CCDC112: variants seen among roughly 807,000 people sequenced by gnomAD.
CCDC112 encodes coiled-coil domain containing 112.
In CCDC112, 40 loss-of-function variants were observed where a neutral mutation model predicts 66.3. The observed-to-expected ratio is 0.60, with a 90% confidence interval of 0.47 to 0.79. CCDC112 has a LOEUF of 0.79. CCDC112 is among the 30% of genes least tolerant of loss of function. The pLI, the probability that CCDC112 is intolerant of heterozygous loss-of-function variation, is 0.00. For missense variants in CCDC112, 659 were observed against 603.8 expected (o/e 1.09, Z -0.96); for synonymous variants, 214 against 197.2 (o/e 1.09, Z -0.71).
At chr5:115,282,629 A>G (rs546816120) in intron 2 of CCDC112, among the ~76,000 whole-genome samples, 7 of 152,250 alleles carry the variant, frequency 4.6e-5, no homozygotes, top group Non-Finnish European at 1.0e-4. Context: ...CATTTATACA[A>G]AAAAGGAAAA....
chr5:115,286,127 C>A (rs1468710042), intron 1 of CCDC112, among the ~76,000 whole-genome samples: 1 of 152,122 alleles, frequency 6.6e-6, no homozygotes, highest in African/African-American at 2.4e-5. Flanking sequence ...AGTTTTGTAA[C>A]CATCATGACT....
chr5:115,269,830 G>A, intron 7 of CCDC112, 32 bp from the exon 8 acceptor site: 1 of 1,325,984 alleles, frequency 7.5e-7, no homozygotes, highest in Non-Finnish European at 1.0e-6. Flanking sequence ...CATTAAGAAA[G>A]CATGTGAACT....
chr5:115,280,642 TC>T (rs1283113307), intron 2 of CCDC112, among the ~76,000 whole-genome samples: 1 of 151,774 alleles, frequency 6.6e-6, no homozygotes, highest in Non-Finnish European at 1.5e-5. Context: ...AGCCTTGACC[TC>T]CCTGGCTCAA....
chr5:115,286,057 C>A (rs1043793813), intron 1 of CCDC112, among the ~76,000 whole-genome samples: 3 of 152,142 alleles, frequency 2.0e-5, no homozygotes, highest in African/African-American at 7.2e-5. Flanking sequence ...ATGTAATTCA[C>A]AGACCATAAA....
intron 6 of CCDC112, among the ~76,000 whole-genome samples, chr5:115,274,834 A>G (rs1427005549): frequency 1.3e-5 from 2 of 152,132 alleles, no homozygotes; most frequent in Non-Finnish European, 2.9e-5. Context: ...TCAACCTTCT[A>G]GGCTCAAGCA....
chr5:115,285,688 G>C (rs1233973219), intron 1 of CCDC112, among the ~76,000 whole-genome samples: 4 of 152,156 alleles, frequency 2.6e-5, no homozygotes, highest in African/African-American at 9.7e-5. Flanking sequence ...TTATTGAAGA[G>C]TTTTGAGCAG....
At chr5:115,274,916 T>A (rs910966215) in intron 6 of CCDC112, among the ~76,000 whole-genome samples, 5 of 152,152 alleles carry the variant, frequency 3.3e-5, no homozygotes, top group African/African-American at 1.2e-4. Flanking sequence ...AATTTTTCTG[T>A]ATTTTTTGTA....
At chr5:115,274,769 G>C (rs1749134302) in intron 6 of CCDC112, among the ~76,000 whole-genome samples, 1 of 152,044 alleles carries the variant, frequency 6.6e-6, no homozygotes, top group Admixed American at 6.6e-5. Flanking sequence ...TTTTTCTTGA[G>C]ACTAGGTCTC....
intron 2 of CCDC112, among the ~76,000 whole-genome samples, chr5:115,283,104 G>C (rs1749524143): frequency 6.6e-6 from 1 of 151,934 alleles, no homozygotes; most frequent in South Asian, 2.1e-4. Context: ...AATGCATTTT[G>C]GATATTTTAA....
At chr5:115,293,276 C>G (rs960185330) in intron 1 of CCDC112, among the ~76,000 whole-genome samples, 2 of 152,058 alleles carry the variant, frequency 1.3e-5, no homozygotes, top group African/African-American at 2.4e-5. Flanking sequence ...GTTAACTATA[C>G]TCAGTAATAA....
chr5:115,296,134 T>A (rs1750145957), intron 1 of CCDC112: 6 of 1,137,938 alleles, frequency 5.3e-6, no homozygotes, highest in East Asian at 4.5e-5. Context: ...CTATTCCCAA[T>A]TTTTAGAGAA....
At chr5:115,268,245 A>G (rs551760960) in intron 9 of CCDC112, among the ~76,000 whole-genome samples, 2 of 152,304 alleles carry the variant, frequency 1.3e-5, no homozygotes, top group African/African-American at 4.8e-5. Flanking sequence ...CATGAATGTA[A>G]TATCTAATAG....
intron 1 of CCDC112, among the ~76,000 whole-genome samples, chr5:115,288,860 C>T (rs868051478): frequency 1.3e-5 from 2 of 152,274 alleles, no homozygotes; most frequent in Middle Eastern, 3.4e-3. Flanking sequence ...TTCCCTCCTT[C>T]TTAAAAATGT....
intron 5 of CCDC112, 87 bp from the exon 6 acceptor site, chr5:115,275,693 A>G: frequency 1.1e-6 from 1 of 930,564 alleles, no homozygotes; most frequent in Non-Finnish European, 1.6e-6. Flanking sequence ...CTGACTCTTT[A>G]TATCATCTTC....
intron 1 of CCDC112, among the ~76,000 whole-genome samples, chr5:115,294,457 A>G (rs182337704): frequency 2.0e-5 from 3 of 152,338 alleles, no homozygotes; most frequent in East Asian, 3.9e-4. Context: ...CAGGCCAGGA[A>G]AAGAGGCCTC....
At chr5:115,279,797 T>C (rs759266190) in intron 2 of CCDC112, 29 bp from the exon 3 acceptor site, 2 of 1,173,748 alleles carry the variant, frequency 1.7e-6, no homozygotes, top group Non-Finnish European at 2.4e-6. Context: ...ATAGTATAAA[T>C]ATGATCTAAA....
intron 1 of CCDC112, 181 bp downstream of exon 1, chr5:115,296,246 C>G (rs1750151066): frequency 1.6e-6 from 2 of 1,289,300 alleles, no homozygotes; most frequent in African/African-American, 1.6e-5. Flanking sequence ...CACATGGAGG[C>G]GGCTCTGCAA....
rs542728416 is a variant in CCDC112, at chr5:115,294,446, A to G, written c.117+1981T>C. ...GGACACAGTGAGAAGGTGGCTGCCT[A>G]CAGGCCAGGAAAAGAGGCCTCACCA... On this transcript the variant is annotated intron_variant, in intron 1 of 9. Coordinates refer to ENST00000379611, the MANE Select transcript of CCDC112 (RefSeq NM_001040440.3). Among the ~76,000 whole-genome samples the G allele has an allele frequency of 9.8e-4, 150 of 152,370 alleles. 2 individuals are homozygous for G. Among genetic ancestry groups the G allele is most frequent in the Non-Finnish European group, 1.9e-3 (131 of 68,030 alleles).
intron 9 of CCDC112, among the ~76,000 whole-genome samples, chr5:115,268,397 G>C (rs1002993955): frequency 3.3e-5 from 5 of 151,804 alleles, no homozygotes; most frequent in Non-Finnish European, 5.9e-5. Flanking sequence ...AGCCTCCCAA[G>C]TACCTGGGAC....
Sources: gnomAD v4.1 joint callset for allele counts (sites outside exome capture counted in the v4.1 genomes callset) on GRCh38, gnomAD v4.1.1 for gene constraint, MANE v1.5 for transcripts, NCBI Gene and HGNC (gene_info 2026-07-23, HGNC 2026-07-21) for gene names.